The following AGAP3 variants were observed in gnomAD, a reference collection of about 807,000 sequenced individuals.
The protein encoded by AGAP3 is ArfGAP with GTPase domain, ankyrin repeat and PH domain 3.
In AGAP3, 24 loss-of-function variants were observed where a neutral mutation model predicts 96.9. The observed-to-expected ratio is 0.25, with a 90% CI of 0.18 to 0.35. The LOEUF is 0.35. Ranked by LOEUF, AGAP3 falls within the 10% of genes least tolerant of loss-of-function variation. The pLI, the probability that AGAP3 is intolerant of heterozygous loss-of-function variation, is 1.00. For synonymous variants in AGAP3, 563 were observed against 536.1 expected (o/e 1.05, Z -0.69); for missense variants, 876 against 1,254.2 (o/e 0.70, Z 4.55).
At chr7:151,110,697 C>T (rs1263567628) in intron 1 of AGAP3, among the ~76,000 whole-genome samples, 1 of 152,114 alleles carries the variant, frequency 6.6e-6, no homozygotes, top group South Asian at 2.1e-4. Context: ...GGTGCTTAGG[C>T]CCGGGAGGAT....
chr7:151,125,817 C>A lies in AGAP3; in HGVS notation c.1221+1931C>A, dbSNP rs186179856. On this transcript the variant is annotated intron_variant, in intron 9 of 17. Coordinates refer to ENST00000397238, the MANE Select transcript of AGAP3 (RefSeq NM_031946.7). ...GCATTCCCAATCAATCCGGACTCCG[C>A]AATTAAGTCGGCTGGCGGAGCTGGG... Among the ~76,000 whole-genome samples, 58 of 152,372 alleles carry A rather than the reference C, an allele frequency of 3.8e-4. 1 individual carries two copies. In the East Asian group the frequency reaches 0.011, roughly 29 times the overall value.
At position 151,142,546 on chromosome 7, in the gene AGAP3, G is replaced by A. The variant is rs777537111; in HGVS notation, c.2185G>A (p.Val729Ile). 1.2e-6 allele frequency: 2 copies of A among 1,613,758 alleles called. No homozygotes were observed. The highest frequency in any genetic ancestry group is 1.1e-5 in the South Asian group (1 of 91,086). ...LDDWPPELLA[V>I]MTAMGNALAN... ...TGACTGGCCGCCTGAGCTGCTGGCT[G>A]TCATGACTGCCATGGGCAATGCCCT... Residue 729 changes from valine (V) to isoleucine (I), a missense_variant, in exon 16 of 18, where the codon GTC becomes ATC. Physicochemically the swap from Val to Ile is conservative, Grantham distance 29 (BLOSUM62 3). Around this residue, in one of 8 missense-constraint regions of AGAP3, gnomAD observed 213 missense variants for 253.8 expected, o/e 0.84. Coordinates refer to ENST00000397238, the MANE Select transcript of AGAP3 (RefSeq NM_031946.7). The surrounding 1 kb of genome is among the most constrained non-coding windows in gnomAD (Gnocchi z 7.5).
intron 1 of AGAP3, among the ~76,000 whole-genome samples, chr7:151,091,155 C>T (rs1325354867): frequency 6.6e-6 from 1 of 152,146 alleles, no homozygotes; most frequent in African/African-American, 2.4e-5. Context: ...ACTCCCTGGC[C>T]GGGCCCTGCA....
Position 151,114,878 on chromosome 7 carries a change from C to A in AGAP3, c.332-1915C>A. On this transcript the variant is annotated intron_variant, in intron 1 of 17. Coordinates refer to ENST00000397238, the MANE Select transcript of AGAP3 (RefSeq NM_031946.7). The surrounding 1 kb of genome is among the most constrained non-coding windows in gnomAD (Gnocchi z 4.4). The stretch of plus-strand genomic sequence containing the variant: ...CGCTGGACCTGCACGGCGCCTCGGC[C>A]GGCCGCGCTGCCGCCGCCCTGCAGG... 9.9e-7 allele frequency: 1 copy of A among 1,010,610 alleles called. No individual in the cohort carries two copies. Among genetic ancestry groups the A allele is most frequent in the South Asian group, 4.2e-5 (1 of 23,830 alleles). The allele number at this position is 1,010,610 out of a possible 1,614,324, so 62.6% of individuals were successfully genotyped here. A position where few individuals can be genotyped will look rare whatever the true frequency, so the allele number is the denominator to read the frequency against.
intron 1 of AGAP3, 146 bp from the exon 2 acceptor site, chr7:151,116,647 A>G: frequency 3.8e-6 from 3 of 797,018 alleles, no homozygotes; most frequent in Non-Finnish European, 6.4e-6. Flanking sequence ...CTGGGGAACT[A>G]GGGGTGAGGG....
intron 1 of AGAP3, among the ~76,000 whole-genome samples, chr7:151,106,028 A>G (rs1799042765): frequency 6.6e-6 from 1 of 151,974 alleles, no homozygotes; most frequent in Non-Finnish European, 1.5e-5. Flanking sequence ...CTCAGTTCCT[A>G]CTTGTAGCAC....
intron 1 of AGAP3, among the ~76,000 whole-genome samples, chr7:151,099,334 C>A (rs181294062): frequency 0.038 from 4,149 of 108,378 alleles, 159 homozygotes; most frequent in African/African-American, 0.13. Flanking sequence ...CAGAGTGAGA[C>A]TCCATCTCAA....
chr7:151,092,347 C>T (rs1798432761), intron 1 of AGAP3, among the ~76,000 whole-genome samples: 1 of 152,190 alleles, frequency 6.6e-6, no homozygotes, highest in Non-Finnish European at 1.5e-5. Flanking sequence ...TGTGGCATTG[C>T]CTAAACATCC....
intron 8 of AGAP3, chr7:151,123,303 C>T (rs965107764): frequency 1.8e-5 from 19 of 1,038,692 alleles, no homozygotes; most frequent in Non-Finnish European, 2.2e-5. Context: ...GGTGCAGGGC[C>T]TCTTCTGGCC....
At position 151,119,869 on chromosome 7, in the gene AGAP3, C is replaced by T. The variant is rs1179029118; in HGVS notation, c.970-118C>T. Reference sequence around the variant, plus strand: ...ATATCATCTGTAGGGGCTAGTGGCCCCTCTGCTGCCCATGAGCCCCGGCCA... The same window carrying T: ...ATATCATCTGTAGGGGCTAGTGGCCTCTCTGCTGCCCATGAGCCCCGGCCA... On this transcript the variant is annotated intron_variant, in intron 7 of 17. Transcript: ENST00000397238. 4.4e-6 allele frequency: 4 copies of T among 911,636 alleles called. No individual in the cohort carries two copies. The African/African-American group carries it at 6.7e-5, about 15-fold the overall frequency. 56.5% of individuals were successfully genotyped at this position (911,636 alleles called of 1,614,324 possible).
intron 1 of AGAP3, among the ~76,000 whole-genome samples, chr7:151,088,479 A>G (rs572143274): frequency 2.0e-5 from 3 of 152,206 alleles, no homozygotes; most frequent in Non-Finnish European, 4.4e-5. Context: ...AAGACAGGAG[A>G]TGACCAATTT....
In AGAP3 at chr7:151,133,178, CT is replaced by C. The variant is rs1800464445; in HGVS notation, c.1327-1220del. On this transcript the variant is annotated intron_variant, in intron 10 of 17. Coordinates refer to ENST00000397238, the MANE Select transcript of AGAP3 (RefSeq NM_031946.7). This position sits in a 1 kb window ranked among gnomAD's most constrained non-coding sequence, Gnocchi z 5.4. The stretch of plus-strand genomic sequence containing the variant: ...TAAATCTGGCACCACCACCCAGGTT[CT>C]TCTCTCAGGAAGGGGCATAGACCCA... Among the ~76,000 whole-genome samples, 1 of 152,236 alleles carries C rather than the reference CT, an allele frequency of 6.6e-6. No individual in the cohort carries two copies. The highest frequency in any genetic ancestry group is 2.4e-5 in the African/African-American group (1 of 41,466).
intron 10 of AGAP3, among the ~76,000 whole-genome samples, chr7:151,130,355 A>C (rs1800355902): frequency 6.6e-6 from 1 of 152,186 alleles, no homozygotes; most frequent in Non-Finnish European, 1.5e-5. Context: ...GCTGGAGAGC[A>C]GAGCTCAGGG....
intron 1 of AGAP3, among the ~76,000 whole-genome samples, chr7:151,103,718 C>T (rs961694209): frequency 2.6e-5 from 4 of 152,152 alleles, no homozygotes; most frequent in African/African-American, 9.7e-5. Flanking sequence ...ACCACACTTC[C>T]CCAGCGATGC....
chr7:151,138,101 C>T, intron 11 of AGAP3, 42 bp from the exon 12 acceptor site: 1 of 1,460,094 alleles, frequency 6.8e-7, no homozygotes, highest in Non-Finnish European at 9.4e-7. Flanking sequence ...GAATCCTCCC[C>T]TGCCCGGCCT....
intron 11 of AGAP3, among the ~76,000 whole-genome samples, chr7:151,137,516 T>G (rs1800647236): frequency 6.6e-6 from 1 of 151,658 alleles, no homozygotes; most frequent in African/African-American, 2.4e-5. Flanking sequence ...AGCCAGGGAG[T>G]GAGGTGGGAG....
At position 151,125,667 on chromosome 7, in the gene AGAP3, C is replaced by G. The variant is rs531415742; in HGVS notation, c.1221+1781C>G. Among the ~76,000 whole-genome samples, 86 of 152,274 alleles carry G rather than the reference C, an allele frequency of 5.6e-4. 3 individuals are homozygous for G. In the South Asian group the frequency reaches 0.017, roughly 30 times the overall value. On this transcript the variant is annotated intron_variant, in intron 9 of 17. Coordinates refer to ENST00000397238, the MANE Select transcript of AGAP3 (RefSeq NM_031946.7). ...ATTCCTGGCGCTTCCCCGCTGCCGC[C>G]GGTCCAGCCCCGCCAGATCTGCAGC...
intron 1 of AGAP3, among the ~76,000 whole-genome samples, chr7:151,106,132 G>A (rs989293344): frequency 6.6e-6 from 1 of 152,100 alleles, no homozygotes; most frequent in African/African-American, 2.4e-5. Context: ...GGTACTCTGA[G>A]CATTGTGTTG....
At position 151,140,333 on chromosome 7, in the gene AGAP3, T is replaced by G; in HGVS notation, c.1804+217T>G. ...ATAACTGAAACCCTTTCTGTTGAAA[T>G]GTGGGCTTACTTCATTTATTCTTAA... is the stretch of plus-strand genomic sequence containing the variant. On this transcript the variant is annotated intron_variant, in intron 13 of 17. Coordinates refer to ENST00000397238, the MANE Select transcript of AGAP3 (RefSeq NM_031946.7). This position sits in a 1 kb window ranked among gnomAD's most constrained non-coding sequence, Gnocchi z 5.4. The G allele has an allele frequency of 2.3e-6, 1 of 441,506 alleles. No individual in the cohort carries two copies. Among genetic ancestry groups the G allele is most frequent in the Non-Finnish European group, 3.7e-6 (1 of 268,980 alleles). The allele number at this position is 441,506 out of a possible 1,614,324, so 27.3% of individuals were successfully genotyped here. A position where few individuals can be genotyped will look rare whatever the true frequency, so the allele number is the denominator to read the frequency against.
Sources: gnomAD v4.1 joint callset for allele counts (sites outside exome capture counted in the v4.1 genomes callset) on GRCh38, gnomAD v4.1.1 for gene constraint, gnomAD v4.1.1 regional missense constraint, Gnocchi (gnomAD v3.1) non-coding constraint, MANE v1.5 for transcripts, NCBI Gene and HGNC (gene_info 2026-07-23, HGNC 2026-07-21) for gene names.